The following ROS1 variants were observed in gnomAD, a reference collection of about 807,000 sequenced individuals.
ROS1 encodes ROS proto-oncogene 1, receptor tyrosine kinase.
Under a neutral mutation model 273.5 loss-of-function variants are expected in ROS1, and 263 were observed. That is an observed-to-expected ratio of 0.96 (90% CI 0.87 to 1.06). The LOEUF is 1.06. Ranked by LOEUF, ROS1 falls within the 50% of genes least tolerant of loss-of-function variation. The pLI, the probability that ROS1 is intolerant of heterozygous loss-of-function variation, is 0.00. For missense variants in ROS1, 2,833 were observed against 2,751.1 expected, an observed-to-expected ratio of 1.03 and a Z score of -0.67; for synonymous variants, 1,008 against 954.1, an observed-to-expected ratio of 1.06 and a Z score of -1.04.
chr6:117,374,506 C>A (rs1781154252), intron 18 of ROS1, among the ~76,000 whole-genome samples: 1 of 152,170 alleles, frequency 6.6e-6, no homozygotes, highest in South Asian at 2.1e-4. Context: ...AATCTAAGAC[C>A]TAAAACCTTA....
chr6:117,340,082 A>G (rs1777809032), intron 31 of ROS1, among the ~76,000 whole-genome samples: 1 of 152,156 alleles, frequency 6.6e-6, no homozygotes, highest in South Asian at 2.1e-4. Flanking sequence ...AACTGCATTA[A>G]GTTTACTAAA....
intron 27 of ROS1, among the ~76,000 whole-genome samples, chr6:117,351,102 G>A (rs528431168): frequency 6.6e-6 from 1 of 152,160 alleles, no homozygotes; most frequent in South Asian, 2.1e-4. Context: ...GCTGTAAATG[G>A]GCCTTTAGTA....
intron 32 of ROS1, 35 bp downstream of exon 32, chr6:117,337,137 A>C: frequency 1.9e-6 from 3 of 1,544,900 alleles, no homozygotes; most frequent in Non-Finnish European, 1.8e-6. Flanking sequence ...ACTGAAACAC[A>C]GAGTTTTCTG....
At chr6:117,348,651 A>C (rs1226618510) in intron 27 of ROS1, among the ~76,000 whole-genome samples, 1 of 151,566 alleles carries the variant, frequency 6.6e-6, no homozygotes, top group Non-Finnish European at 1.5e-5. Context: ...TTTGGGACTT[A>C]ATTTACTCTT....
intron 27 of ROS1, among the ~76,000 whole-genome samples, chr6:117,348,661 TC>T (rs1239662471): frequency 5.9e-5 from 9 of 151,892 alleles, no homozygotes; most frequent in Non-Finnish European, 1.2e-4. Flanking sequence ...AATTTACTCT[TC>T]TTTTTCTAGT....
chr6:117,389,947 TATC>T, intron 12 of ROS1, 101 bp from the exon 13 acceptor site: 6 of 1,046,360 alleles, frequency 5.7e-6, no homozygotes, highest in Non-Finnish European at 6.9e-6. Context: ...CAGAACTATG[TATC>T]TCTGATGTTG....
intron 42 of ROS1, among the ~76,000 whole-genome samples, chr6:117,303,082 T>C (rs905850210): frequency 7.9e-5 from 12 of 152,194 alleles, no homozygotes; most frequent in African/African-American, 2.9e-4. Flanking sequence ...ACTTAAAACA[T>C]TAACAAGGAG....
At chr6:117,361,563 T>C (rs1779805260) in intron 22 of ROS1, among the ~76,000 whole-genome samples, 1 of 148,356 alleles carries the variant, frequency 6.7e-6, no homozygotes, top group East Asian at 1.9e-4. Context: ...TTATATTATA[T>C]ATTCTATATA....
intron 43 of ROS1, among the ~76,000 whole-genome samples, chr6:117,293,266 G>A (rs184886564): frequency 1.3e-3 from 203 of 152,246 alleles, no homozygotes; most frequent in African/African-American, 4.7e-3. Context: ...GGCAGAAGAT[G>A]TAATACAAAA....
chr6:117,346,768 A>G (rs1016214433), intron 27 of ROS1, among the ~76,000 whole-genome samples: 9 of 152,118 alleles, frequency 5.9e-5, no homozygotes, highest in Non-Finnish European at 1.3e-4. Context: ...CAAAGTCTAT[A>G]GTTTACATTA....
At chr6:117,348,432 C>G (rs1223716782) in intron 27 of ROS1, among the ~76,000 whole-genome samples, 1 of 151,704 alleles carries the variant, frequency 6.6e-6, no homozygotes, top group African/African-American at 2.4e-5. Flanking sequence ...CAGAGATGTC[C>G]CCGCCTTCAT....
In ROS1 at chr6:117,397,007, G is replaced by A. The variant is rs747824037; in HGVS notation, c.714C>T (p.Asn238=). Residue 238 remains asparagine (N), a synonymous_variant, in exon 8 of 44, where the codon AAC becomes AAT. Coordinates refer to ENST00000368507, the MANE Select transcript of ROS1 (RefSeq NM_001378902.1). ...QFPGGPILGY[N]LRLISKNQKL... is the part of the protein sequence containing the mutation. ...TTTGATTTTTGCTGATCAGCCTTAA[G>A]TTATAACCCAAAATAGGTCCACCTG... The A allele has an allele frequency of 1.9e-6, 3 of 1,614,002 alleles. No homozygotes were observed. Among genetic ancestry groups the A allele is most frequent in the Non-Finnish European group, 8.5e-7 (1 of 1,179,906 alleles).
Position 117,396,332 on chromosome 6 carries a change from A to C in ROS1, c.807-68T>G, listed in dbSNP as rs866601076. On this transcript the variant is annotated intron_variant, in intron 8 of 43. Transcript: ENST00000368507. ...GGTGTGAACATGAGATAAAAATAGA[A>C]GGAGCAATAACATTTCTATTTAAAG... 2.7e-5 allele frequency: 30 copies of C among 1,093,114 alleles called. No individual in the cohort carries two copies. In the African/African-American group the frequency reaches 3.5e-4, roughly 13 times the overall value. 67.7% of individuals were successfully genotyped at this position (1,093,114 alleles called of 1,614,324 possible). A position where few individuals can be genotyped will look rare whatever the true frequency, so the allele number is the denominator to read the frequency against.
chr6:117,335,515 C>G (rs1172209525), intron 32 of ROS1, among the ~76,000 whole-genome samples: 1 of 152,036 alleles, frequency 6.6e-6, no homozygotes, highest in African/African-American at 2.4e-5. Context: ...GTATAAATCA[C>G]TCTACTATAA....
rs760267537 is a variant in ROS1, at chr6:117,310,209, G to C, written c.6288C>G (p.Asp2096Glu). 6.2e-7 allele frequency: 1 copy of C among 1,613,226 alleles called. No individual in the cohort carries two copies. The highest frequency in any genetic ancestry group is 8.5e-7 in the Non-Finnish European group (1 of 1,179,510). ...YTSPRIVKIG[D>E]FGLARDIYKN... Reference sequence around the variant, plus strand: ...TATAGATGTCTCTGGCGAGTCCAAAGTCTCCAATCTTCACTATCCGTGGAC... The same window carrying C: ...TATAGATGTCTCTGGCGAGTCCAAACTCTCCAATCTTCACTATCCGTGGAC... The change falls in exon 41 of 44, where the codon GAC (aspartate) becomes GAG (glutamate). Residue 2096 changes from aspartate to glutamate, a missense_variant. By Grantham distance (45) the Asp-to-Glu change is conservative (BLOSUM62 2). Coordinates refer to ENST00000368507, the MANE Select transcript of ROS1 (RefSeq NM_001378902.1).
intron 43 of ROS1, among the ~76,000 whole-genome samples, chr6:117,298,332 T>C (rs572779863): frequency 6.6e-6 from 1 of 152,180 alleles, no homozygotes; most frequent in East Asian, 1.9e-4. Context: ...ACTCCATAAA[T>C]TTATTTTAAA....
rs76306806 is a variant in ROS1 at position 117,395,089 on chromosome 6, G to A, written c.884-351C>T. On this transcript the variant is annotated intron_variant, in intron 9 of 43. Transcript: ENST00000368507. Reference sequence around the variant, plus strand: ...GGTGGAGGTGGTCCACCCCAGGCCAGAGTGGGTTATGCATGACACACACAT... The same window carrying A: ...GGTGGAGGTGGTCCACCCCAGGCCAAAGTGGGTTATGCATGACACACACAT... 1.0e-2 allele frequency among the ~76,000 whole-genome samples: 1,521 copies of A among 152,266 alleles called. 14 individuals carry two copies. Among genetic ancestry groups the A allele is most frequent in the Non-Finnish European group, 0.016 (1,072 of 68,018 alleles).
At chr6:117,384,906 T>C (rs1772437675) in intron 16 of ROS1, among the ~76,000 whole-genome samples, 1 of 152,170 alleles carries the variant, frequency 6.6e-6, no homozygotes, top group South Asian at 2.1e-4. Context: ...GTGGCCAGCT[T>C]CTGTGCCTAA....
In ROS1 at chr6:117,394,564, T is replaced by C; in HGVS notation, c.1006+52A>G. On this transcript the variant is annotated intron_variant, in intron 10 of 43. Transcript: ENST00000368507. ...TTTTCTTTTATTCTAGAAGTACTTC[T>C]TTTAGAATCTTCTTTTCACACTAAG... The C allele has an allele frequency of 2.8e-6, 4 of 1,437,770 alleles. 1 individual carries two copies. The East Asian group carries it at 7.2e-5, about 26-fold the overall frequency. 89.1% of individuals were successfully genotyped at this position (1,437,770 alleles called of 1,614,324 possible). A position where few individuals can be genotyped will look rare whatever the true frequency, so the allele number is the denominator to read the frequency against.
Sources: allele counts gnomAD v4.1 joint callset (sites outside exome capture counted in the v4.1 genomes callset), GRCh38; gene constraint gnomAD v4.1.1; transcripts MANE v1.5; gene names NCBI Gene and HGNC (gene_info 2026-07-23, HGNC 2026-07-21).